Variants in PEX14 observed in about 807,000 individuals in gnomAD.
The protein encoded by PEX14 is peroxisomal biogenesis factor 14, also known as peroxisomal membrane protein PEX14.
Under a neutral mutation model 49.5 loss-of-function variants are expected in PEX14, and 15 were observed. The ratio of observed to expected loss-of-function variants is 0.30; its 90% CI spans 0.20 to 0.47. PEX14 has a LOEUF of 0.47. Among genes scored for constraint, PEX14 ranks in the 20% least tolerant of loss-of-function variants. The probability of loss-of-function intolerance (pLI) is 1.00; values close to 1 mark genes in which losing one functional copy is unlikely to be tolerated. For synonymous variants in PEX14, 210 were observed against 212.7 expected, an observed-to-expected ratio of 0.99 and a Z score of 0.11; for missense variants, 398 against 494.8, an observed-to-expected ratio of 0.80 and a Z score of 1.86.
chr1:10,547,440 C>T (rs1436078458), intron 3 of PEX14, among the ~76,000 whole-genome samples: 1 of 152,122 alleles, frequency 6.6e-6, no homozygotes, highest in African/African-American at 2.4e-5. Context: ...TGCAATATGG[C>T]GCAAATTATG....
At chr1:10,510,257 AC>A (rs937920104) in intron 2 of PEX14, among the ~76,000 whole-genome samples, 3 of 152,224 alleles carry the variant, frequency 2.0e-5, no homozygotes, top group African/African-American at 7.2e-5. Context: ...TGGCATGTCT[AC>A]AAAGTATTAA....
chr1:10,614,050 A>G (rs1269941144), intron 4 of PEX14, among the ~76,000 whole-genome samples: 1 of 152,130 alleles, frequency 6.6e-6, no homozygotes, highest in Non-Finnish European at 1.5e-5. Context: ...TCTGCACCAG[A>G]CTTGGAAAAA....
At chr1:10,610,368 T>TACAC (rs777667797) in intron 4 of PEX14, among the ~76,000 whole-genome samples, 12 of 70,228 alleles carry the variant, frequency 1.7e-4, no homozygotes, top group South Asian at 3.4e-4. Context: ...TATATATATA[T>TACAC]ATATACACAC....
intron 2 of PEX14, among the ~76,000 whole-genome samples, chr1:10,510,422 A>G (rs1283788497): frequency 2.0e-5 from 3 of 152,226 alleles, no homozygotes; most frequent in Non-Finnish European, 1.5e-5. Context: ...TGTGGGCACC[A>G]TATTAAGCCC....
intron 3 of PEX14, among the ~76,000 whole-genome samples, chr1:10,578,069 G>C (rs749289831): frequency 6.6e-6 from 1 of 152,028 alleles, no homozygotes; most frequent in South Asian, 2.1e-4. Context: ...GGAATCAGGG[G>C]ATATTTTGAG....
chr1:10,506,703 A>G (rs1641789656), intron 2 of PEX14, among the ~76,000 whole-genome samples: 1 of 152,264 alleles, frequency 6.6e-6, no homozygotes, highest in African/African-American at 2.4e-5. Context: ...ACAGTTAAAC[A>G]TTAGAGGAAG....
chr1:10,549,061 CA>C (rs1410092784), intron 3 of PEX14, among the ~76,000 whole-genome samples: 1 of 151,962 alleles, frequency 6.6e-6, no homozygotes, highest in Non-Finnish European at 1.5e-5. Context: ...TGTGGATTTT[CA>C]GATTGTTAAA....
chr1:10,517,516 G>C (rs937409781), intron 2 of PEX14, among the ~76,000 whole-genome samples: 6 of 152,136 alleles, frequency 3.9e-5, no homozygotes, highest in Non-Finnish European at 5.9e-5. Context: ...AGGTTGTGCA[G>C]CTGCATTTTG....
chr1:10,566,989 C>A (rs752196997), intron 3 of PEX14, among the ~76,000 whole-genome samples: 1 of 152,108 alleles, frequency 6.6e-6, no homozygotes, highest in Non-Finnish European at 1.5e-5. Context: ...ATAGTAAATA[C>A]TTTAAGGTTT....
chr1:10,544,361 T>C (rs1639106681), intron 3 of PEX14, among the ~76,000 whole-genome samples: 1 of 152,198 alleles, frequency 6.6e-6, no homozygotes. Flanking sequence ...ATCTATGTCT[T>C]CTGACCAAGA....
intron 3 of PEX14, among the ~76,000 whole-genome samples, chr1:10,538,498 T>C (rs1381415966): frequency 2.0e-5 from 3 of 152,224 alleles, no homozygotes; most frequent in Non-Finnish European, 4.4e-5. Context: ...AAAATGCTGC[T>C]TCAGTCAGTA....
chr1:10,568,578 A>C (rs1639881167), intron 3 of PEX14, among the ~76,000 whole-genome samples: 1 of 152,072 alleles, frequency 6.6e-6, no homozygotes, highest in Non-Finnish European at 1.5e-5. Context: ...TAAATGTGCT[A>C]GATTCTTTGT....
intron 4 of PEX14, among the ~76,000 whole-genome samples, chr1:10,600,281 T>A (rs1258904080): frequency 6.7e-6 from 1 of 149,954 alleles, no homozygotes; most frequent in African/African-American, 2.5e-5. Context: ...ATTAGCCAGA[T>A]GTGGTGGCAG....
At chr1:10,573,797 C>T (rs1304512669) in intron 3 of PEX14, among the ~76,000 whole-genome samples, 1 of 152,032 alleles carries the variant, frequency 6.6e-6, no homozygotes, top group Non-Finnish European at 1.5e-5. Context: ...ATGTATATAA[C>T]AGCTTTATTT....
intron 4 of PEX14, among the ~76,000 whole-genome samples, chr1:10,604,085 G>A (rs1349920486): frequency 6.6e-6 from 1 of 152,242 alleles, no homozygotes; most frequent in African/African-American, 2.4e-5. Context: ...GGGCTAAAGA[G>A]ACTAACAAGA....
chr1:10,623,353 C>T lies in PEX14; in HGVS notation c.487+232C>T, dbSNP rs190265601. On this transcript the variant is annotated intron_variant, in intron 6 of 8. Transcript: ENST00000356607. The surrounding 1 kb of genome is among the most constrained non-coding windows in gnomAD (Gnocchi z 4.4). ...TATGTTTTTACGGAAAGGCTCCCAA[C>T]CTCAGAATATTAATAAGGGGAATAA... is the stretch of plus-strand genomic sequence containing the variant. The T allele has an allele frequency of 1.9e-4, 93 of 492,194 alleles. No individual in the cohort carries two copies. The highest frequency in any genetic ancestry group is 1.6e-3 in the African/African-American group (83 of 51,302). The allele number at this position is 492,194 out of a possible 1,614,324, so 30.5% of individuals were successfully genotyped here.
intron 1 of PEX14, among the ~76,000 whole-genome samples, chr1:10,480,142 G>C (rs1557802426): frequency 1.3e-5 from 2 of 151,954 alleles, no homozygotes; most frequent in Non-Finnish European, 2.9e-5. Context: ...ATGTAGTTTT[G>C]AGAGTCTGTT....
At chr1:10,599,611 T>C (rs910716346) in intron 4 of PEX14, among the ~76,000 whole-genome samples, 1 of 152,270 alleles carries the variant, frequency 6.6e-6, no homozygotes, top group Non-Finnish European at 1.5e-5. Context: ...GTTTCAGGTA[T>C]TTTGGTTACA....
intron 4 of PEX14, among the ~76,000 whole-genome samples, chr1:10,608,061 G>A (rs546732894): frequency 2.0e-5 from 3 of 152,152 alleles, no homozygotes; most frequent in South Asian, 4.1e-4. Context: ...TCTACCTCAC[G>A]GGCTCAAGTG....
Sources: gnomAD v4.1 joint callset for allele counts (sites outside exome capture counted in the v4.1 genomes callset) on GRCh38, gnomAD v4.1.1 for gene constraint, Gnocchi (gnomAD v3.1) non-coding constraint, MANE v1.5 for transcripts, NCBI Gene and HGNC (gene_info 2026-07-23, HGNC 2026-07-21) for gene names.